Variants in PRRC1 observed in about 807,000 individuals in gnomAD.
PRRC1 encodes the protein protein PRRC1.
A neutral mutation model predicts 40.7 loss-of-function variants in PRRC1; 39 were observed. The ratio of observed to expected loss-of-function variants is 0.96; its 90% CI spans 0.74 to 1.25. The LOEUF (loss-of-function observed/expected upper bound fraction) is 1.25, where lower values mean the gene tolerates loss of function less well. Ranked by LOEUF, PRRC1 falls within the 50% of genes most tolerant of loss-of-function variation. PRRC1 has a pLI of 0.00. For missense variants in PRRC1, 573 were observed against 548.3 expected (o/e 1.05, Z -0.45); for synonymous variants, 175 against 193.3 (o/e 0.91, Z 0.79).
chr5:127,535,095 A>G (rs1767863639), intron 6 of PRRC1, among the ~76,000 whole-genome samples: 1 of 152,172 alleles, frequency 6.6e-6, no homozygotes, highest in African/African-American at 2.4e-5. Flanking sequence ...TACGATGGTT[A>G]GGATACTGTG....
Position 127,526,738 on chromosome 5 carries a change from A to C in PRRC1, c.614A>C (p.Gln205Pro), listed in dbSNP as rs148562350. ...GAAGACCCTAGAATTACTAGAGGTCAGGATGAAGCATCTGCTGGTGGAATC... is the reference window on the plus strand; with the variant it reads ...GAAGACCCTAGAATTACTAGAGGTCCGGATGAAGCATCTGCTGGTGGAATC... ...EQEDPRITRG[Q>P]DEASAGGIWG... The change falls in exon 4 of 9, where the codon CAG (glutamine) becomes CCG (proline). Residue 205 changes from glutamine (Q) to proline (P), a missense_variant. Physicochemically the swap from Gln to Pro is moderately conservative, Grantham distance 76. Coordinates refer to ENST00000296666, the MANE Select transcript of PRRC1 (RefSeq NM_130809.5). 1.2e-6 allele frequency: 2 copies of C among 1,610,780 alleles called. No homozygotes were observed. The highest frequency in any genetic ancestry group is 2.7e-5 in the African/African-American group (2 of 74,874).
At chr5:127,548,020 C>G in intron 8 of PRRC1, 99 bp downstream of exon 8, 1 of 826,080 alleles carries the variant, frequency 1.2e-6, no homozygotes, top group Non-Finnish European at 2.1e-6. Context: ...GAAATATGTT[C>G]TTGATTTTGT....
At chr5:127,540,109 G>A (rs1193976461) in intron 7 of PRRC1, among the ~76,000 whole-genome samples, 8 of 152,080 alleles carry the variant, frequency 5.3e-5, no homozygotes, top group Admixed American at 5.2e-4. Flanking sequence ...TTGGCTGAAG[G>A]TTTGTTGGAT....
chr5:127,518,888 A>G (rs1422547238), intron 1 of PRRC1, among the ~76,000 whole-genome samples: 2 of 152,202 alleles, frequency 1.3e-5, no homozygotes, highest in African/African-American at 4.8e-5. Flanking sequence ...CTTGAGCCCT[A>G]AAACAGTTAC....
intron 1 of PRRC1, among the ~76,000 whole-genome samples, chr5:127,519,725 C>T (rs28731): frequency 0.31 from 46,907 of 152,070 alleles, 7,541 homozygotes; most frequent in East Asian, 0.55. Context: ...CAAAACATGA[C>T]GTTAGACTAT....
chr5:127,531,444 A>G (rs886728287), intron 5 of PRRC1, among the ~76,000 whole-genome samples: 1 of 152,116 alleles, frequency 6.6e-6, no homozygotes, highest in Non-Finnish European at 1.5e-5. Context: ...AGTCCACCAT[A>G]TATGTTCTTT....
chr5:127,523,653 A>G, intron 2 of PRRC1, 71 bp downstream of exon 2: 1 of 879,826 alleles, frequency 1.1e-6, no homozygotes, highest in Non-Finnish European at 1.7e-6. Flanking sequence ...TCTCAGAGTC[A>G]ATTAAGAAAA....
intron 1 of PRRC1, among the ~76,000 whole-genome samples, chr5:127,520,367 G>C (rs1338253646): frequency 6.6e-6 from 1 of 152,160 alleles, no homozygotes; most frequent in Non-Finnish European, 1.5e-5. Flanking sequence ...AGTGGCCCAG[G>C]CTGCATACTT....
At chr5:127,522,144 A>G (rs1326266127) in intron 1 of PRRC1, among the ~76,000 whole-genome samples, 1 of 152,246 alleles carries the variant, frequency 6.6e-6, no homozygotes, top group African/African-American at 2.4e-5. Context: ...TAAAAATATT[A>G]AAAACAAATA....
chr5:127,549,034 T>G (rs1768299360), intron 8 of PRRC1: 1 of 152,032 alleles, frequency 6.6e-6, no homozygotes, highest in Non-Finnish European at 1.5e-5. Context: ...TTTGCCATAG[T>G]TAAGAGTATT....
chr5:127,544,222 G>C (rs1053072771), intron 7 of PRRC1, among the ~76,000 whole-genome samples: 1 of 152,186 alleles, frequency 6.6e-6, no homozygotes, highest in Non-Finnish European at 1.5e-5. Context: ...CTGTCTGATC[G>C]TTCCTCTGGA....
rs1250469804 is a variant in PRRC1 at position 127,524,752 on chromosome 5, C to T, written c.325C>T (p.His109Tyr). The T allele has an allele frequency of 6.2e-7, 1 of 1,614,066 alleles. No homozygotes were observed. The highest frequency in any genetic ancestry group is 1.7e-5 in the Admixed American group (1 of 60,004). ...TGCCTTCGGTAATCCTCCTGTATCT[C>T]ACTTCCCACCTTCAACTTCTGCCCC... ...AAAFGNPPVSHFPPSTSAPNT... is the reference protein window; with the variant it reads ...AAAFGNPPVSYFPPSTSAPNT... Residue 109 changes from histidine to tyrosine, a missense_variant, in exon 3 of 9, where the codon CAC becomes TAC. His to Tyr is a moderately conservative substitution (Grantham distance 83). Transcript: ENST00000296666.
In PRRC1 at chr5:127,552,970, G is replaced by C. The variant is rs1332797890; in HGVS notation, c.*1054G>C. 2.4e-6 allele frequency: 2 copies of C among 828,384 alleles called. No individual in the cohort carries two copies. Among genetic ancestry groups the C allele is most frequent in the Non-Finnish European group, 2.9e-6 (2 of 688,236 alleles). The allele number at this position is 828,384 out of a possible 1,614,324, so 51.3% of individuals were successfully genotyped here. A position where few individuals can be genotyped will look rare whatever the true frequency, so the allele number is the denominator to read the frequency against. On this transcript the variant is annotated 3_prime_UTR_variant, in exon 9 of 9. Coordinates refer to ENST00000296666, the MANE Select transcript of PRRC1 (RefSeq NM_130809.5). ...ATTTAGTCTACTGTATTTCTATTTCGTGGAAGCCTTTTCCCCTCAAATAAT... is the reference window on the plus strand; with the variant it reads ...ATTTAGTCTACTGTATTTCTATTTCCTGGAAGCCTTTTCCCCTCAAATAAT...
chr5:127,549,827 C>T (rs1266760965), intron 8 of PRRC1: 1 of 152,114 alleles, frequency 6.6e-6, no homozygotes, highest in Non-Finnish European at 1.5e-5. Flanking sequence ...GAATGTCTGG[C>T]CCACAAAGCC....
intron 2 of PRRC1, chr5:127,523,937 C>T (rs941608275): frequency 1.4e-4 from 23 of 169,986 alleles, no homozygotes; most frequent in Admixed American, 9.5e-4. Flanking sequence ...TGCAGTGGTG[C>T]GATCTCATCT....
intron 6 of PRRC1, among the ~76,000 whole-genome samples, chr5:127,536,859 C>T (rs986413680): frequency 6.6e-5 from 10 of 151,670 alleles, no homozygotes; most frequent in African/African-American, 1.9e-4. Flanking sequence ...GTAAATTTGT[C>T]GGCTTTTTAT....
intron 4 of PRRC1, among the ~76,000 whole-genome samples, chr5:127,529,021 ATAAG>A (rs759033555): frequency 6.6e-5 from 10 of 152,194 alleles, no homozygotes; most frequent in Middle Eastern, 3.2e-3. Context: ...ACATTCAGTG[ATAAG>A]TAAGATAGGA....
chr5:127,525,786 G>A (rs983976279), intron 3 of PRRC1, among the ~76,000 whole-genome samples: 13 of 152,112 alleles, frequency 8.5e-5, no homozygotes, highest in Non-Finnish European at 1.8e-4. Flanking sequence ...TAGATGATTA[G>A]TATATGGGAT....
At chr5:127,545,286 G>A (rs1249747639) in intron 7 of PRRC1, among the ~76,000 whole-genome samples, 1 of 151,560 alleles carries the variant, frequency 6.6e-6, no homozygotes, top group Non-Finnish European at 1.5e-5. Flanking sequence ...CCCATTACTG[G>A]GTATATACCC....
Sources: gnomAD v4.1 joint callset for allele counts (sites outside exome capture counted in the v4.1 genomes callset) on GRCh38, gnomAD v4.1.1 for gene constraint, MANE v1.5 for transcripts, NCBI Gene and HGNC (gene_info 2026-07-23, HGNC 2026-07-21) for gene names.